ITPR1: variants seen among roughly 807,000 people sequenced by gnomAD.
ITPR1 encodes inositol 1,4,5-trisphosphate receptor type 1, also known as inositol 1,4,5-trisphosphate-gated calcium channel ITPR1.
A neutral mutation model predicts 318.4 loss-of-function variants in ITPR1; 96 were observed. The ratio of observed to expected loss-of-function variants is 0.30; its 90% confidence interval spans 0.26 to 0.36. The LOEUF (loss-of-function observed/expected upper bound fraction) is 0.36, where lower values mean the gene tolerates loss of function less well. Ranked by LOEUF, ITPR1 falls within the 10% of genes least tolerant of loss-of-function variation. The pLI is 1.00. For missense variants in ITPR1, 2,440 were observed against 3,460.2 expected (o/e 0.71, Z 7.40); for synonymous variants, 1,312 against 1,289.9 (o/e 1.02, Z -0.37).
chr3:4,703,644 A>G (rs2094700174), intron 36 of ITPR1, among the ~76,000 whole-genome samples: 1 of 152,190 alleles, frequency 6.6e-6, no homozygotes, highest in Non-Finnish European at 1.5e-5. Flanking sequence ...GAAGAGCAAG[A>G]CAGGTGTAGT....
At chr3:4,653,555 G>A (rs1344777408) in intron 11 of ITPR1, among the ~76,000 whole-genome samples, 6 of 152,098 alleles carry the variant, frequency 3.9e-5, no homozygotes, top group Admixed American at 3.9e-4. Flanking sequence ...ACTGTGTATT[G>A]ATCTTTTATT....
intron 23 of ITPR1, among the ~76,000 whole-genome samples, chr3:4,676,179 C>CA (rs5846331): frequency 0.15 from 20,527 of 134,710 alleles, 2,030 homozygotes; most frequent in East Asian, 0.52. Flanking sequence ...CTATCTCTAC[C>CA]AAAAAAAAAA....
chr3:4,575,416 T>C (rs1234259414), intron 4 of ITPR1, among the ~76,000 whole-genome samples: 1 of 152,224 alleles, frequency 6.6e-6, no homozygotes, highest in African/African-American at 2.4e-5. Flanking sequence ...AGTTAAAATA[T>C]GCTTGGAAGA....
chr3:4,779,491 T>C lies in ITPR1; in HGVS notation c.6292-59T>C. ...CCCATGTGCCAGTTGGCACCTGCATTCAGGCCGGGCCCCCAAGCAGCCCCT... is the reference window on the plus strand; with the variant it reads ...CCCATGTGCCAGTTGGCACCTGCATCCAGGCCGGGCCCCCAAGCAGCCCCT... On this transcript the variant is annotated intron_variant, in intron 48 of 61. Transcript: ENST00000649015. This position sits in a 1 kb window ranked among gnomAD's most constrained non-coding sequence, Gnocchi z 4.0. 1 of 1,307,962 alleles carries C rather than the reference T, an allele frequency of 7.6e-7. No homozygotes were observed. Among genetic ancestry groups the C allele is most frequent in the Non-Finnish European group, 1.1e-6 (1 of 904,442 alleles). 81.0% of individuals were successfully genotyped at this position (1,307,962 alleles called of 1,614,324 possible).
intron 52 of ITPR1, among the ~76,000 whole-genome samples, chr3:4,794,124 G>A (rs961347300): frequency 6.6e-6 from 1 of 152,154 alleles, no homozygotes; most frequent in Non-Finnish European, 1.5e-5. Context: ...TGGAAACTTT[G>A]CCTGTGACAT....
intron 2 of ITPR1, among the ~76,000 whole-genome samples, chr3:4,495,355 C>G (rs574707064): frequency 1.2e-4 from 19 of 152,126 alleles, no homozygotes; most frequent in Non-Finnish European, 2.6e-4. Context: ...TAGCTGTTCC[C>G]TGGGCTACAA....
chr3:4,569,098 A>G (rs2087706449), intron 4 of ITPR1, among the ~76,000 whole-genome samples: 1 of 152,126 alleles, frequency 6.6e-6, no homozygotes, highest in Non-Finnish European at 1.5e-5. Context: ...TCAGCATGAG[A>G]TTTGGGTGGA....
chr3:4,674,346 A>G lies in ITPR1; in HGVS notation c.2598+3A>G, dbSNP rs1424614264. 6.2e-7 allele frequency: 1 copy of G among 1,604,324 alleles called. No individual in the cohort carries two copies. Among genetic ancestry groups the G allele is most frequent in the Admixed American group, 1.7e-5 (1 of 58,440 alleles). On this transcript the variant is annotated splice_donor_region_variant and intron_variant, in intron 22 of 61. Transcript: ENST00000649015. ...AGAAGAATAAGCTTACGTTTGAGGT[A>G]ACTCATGATGAAATCTTCTATGTGT...
At chr3:4,631,258 T>G (rs2125134568) in intron 5 of ITPR1, among the ~76,000 whole-genome samples, 1 of 152,254 alleles carries the variant, frequency 6.6e-6, no homozygotes, top group South Asian at 2.1e-4. Context: ...TTCAGATGAC[T>G]GCAGTATGAG....
At chr3:4,536,647 T>C (rs998090777) in intron 4 of ITPR1, among the ~76,000 whole-genome samples, 1 of 152,246 alleles carries the variant, frequency 6.6e-6, no homozygotes, top group Non-Finnish European at 1.5e-5. Context: ...CTGATGTTCA[T>C]TGTTTTTATC....
intron 5 of ITPR1, among the ~76,000 whole-genome samples, chr3:4,632,093 G>A (rs1388033306): frequency 6.6e-6 from 1 of 152,214 alleles, no homozygotes; most frequent in East Asian, 1.9e-4. Context: ...AACATCAGTA[G>A]CACCCTCTTC....
intron 60 of ITPR1, among the ~76,000 whole-genome samples, chr3:4,821,070 G>C (rs2049681671): frequency 1.3e-5 from 2 of 152,234 alleles, no homozygotes; most frequent in Non-Finnish European, 2.9e-5. Context: ...GGGAAAATCA[G>C]GTGATCTCTT....
chr3:4,681,764 G>C (rs528275685), intron 26 of ITPR1, among the ~76,000 whole-genome samples: 2 of 152,034 alleles, frequency 1.3e-5, no homozygotes, highest in Non-Finnish European at 2.9e-5. Context: ...TAGAAAGAGA[G>C]AGGGGCTCAA....
Position 4,712,131 on chromosome 3 carries a change from C to G in ITPR1, c.5103+263C>G, listed in dbSNP as rs938591992. On this transcript the variant is annotated intron_variant, in intron 39 of 61. Coordinates refer to ENST00000649015, the MANE Select transcript of ITPR1 (RefSeq NM_001378452.1). ...TCTAATGTCAGAGAAGTGGTAATAA[C>G]AAGATTTTCCATCTATTTAAATTCC... 5.9e-5 allele frequency among the ~76,000 whole-genome samples: 9 copies of G among 152,308 alleles called. No individual in the cohort carries two copies. The East Asian group carries it at 1.7e-3, about 29-fold the overall frequency.
intron 4 of ITPR1, among the ~76,000 whole-genome samples, chr3:4,594,504 G>T (rs1036153693): frequency 6.6e-6 from 1 of 152,084 alleles, no homozygotes; most frequent in Admixed American, 6.6e-5. Flanking sequence ...CTGCGTGATC[G>T]ATGAGAGCCA....
intron 50 of ITPR1, among the ~76,000 whole-genome samples, 197 bp downstream of exon 50, chr3:4,782,938 A>G (rs1360230946): frequency 6.6e-6 from 1 of 152,168 alleles, no homozygotes; most frequent in Non-Finnish European, 1.5e-5. Flanking sequence ...ATTTTTCCAC[A>G]GTGATAGGGT....
chr3:4,503,867 G>A (rs1464808908), intron 2 of ITPR1, among the ~76,000 whole-genome samples: 1 of 152,116 alleles, frequency 6.6e-6, no homozygotes, highest in South Asian at 2.1e-4. Flanking sequence ...GCAGAGGGGT[G>A]TCTCTTCAGG....
At chr3:4,604,050 CA>C (rs2091510858) in intron 4 of ITPR1, among the ~76,000 whole-genome samples, 1 of 152,088 alleles carries the variant, frequency 6.6e-6, no homozygotes, top group Non-Finnish European at 1.5e-5. Flanking sequence ...GATGGTATCT[CA>C]TTGTAGTTTT....
At chr3:4,651,379 T>G (rs1204423535) in intron 10 of ITPR1, among the ~76,000 whole-genome samples, 1 of 152,170 alleles carries the variant, frequency 6.6e-6, no homozygotes, top group Non-Finnish European at 1.5e-5. Flanking sequence ...ATCTGTCTCC[T>G]TAACTCCATG....
Sources: gnomAD v4.1 joint callset for allele counts (sites outside exome capture counted in the v4.1 genomes callset) on GRCh38, gnomAD v4.1.1 for gene constraint, Gnocchi (gnomAD v3.1) non-coding constraint, MANE v1.5 for transcripts, NCBI Gene and HGNC (gene_info 2026-07-23, HGNC 2026-07-21) for gene names.